The following LRMDA variants were observed in gnomAD, a reference collection of about 807,000 sequenced individuals.
LRMDA encodes the protein leucine-rich melanocyte differentiation-associated protein.
LRMDA carries 18 observed loss-of-function variants against 29.8 expected under a neutral mutation model. The ratio of observed to expected loss-of-function variants is 0.60; its 90% CI spans 0.42 to 0.90. LRMDA has a LOEUF of 0.90. LRMDA is among the 40% of genes least tolerant of loss of function. The probability of loss-of-function intolerance (pLI) is 0.00; values close to 1 mark genes in which losing one functional copy is unlikely to be tolerated. For missense variants in LRMDA, 273 were observed against 273.9 expected, an observed-to-expected ratio of 1.00 and a Z score of 0.02; for synonymous variants, 125 against 109.4, an observed-to-expected ratio of 1.14 and a Z score of -0.89.
chr10:75,947,758 C>T (rs1564614175), intron 2 of LRMDA, among the ~76,000 whole-genome samples: 2 of 152,130 alleles, frequency 1.3e-5, no homozygotes, highest in Non-Finnish European at 2.9e-5. Context: ...CAGTTATTTC[C>T]GAAAACACAC....
intron 6 of LRMDA, among the ~76,000 whole-genome samples, chr10:76,429,938 T>C (rs1335835303): frequency 6.6e-6 from 1 of 152,222 alleles, no homozygotes; most frequent in Non-Finnish European, 1.5e-5. Context: ...GAGAACCAGA[T>C]CCGAGACAAC....
chr10:75,851,707 C>A (rs1048522839), intron 2 of LRMDA, among the ~76,000 whole-genome samples: 2 of 152,168 alleles, frequency 1.3e-5, no homozygotes, highest in African/African-American at 4.8e-5. Context: ...CACTGGCCAT[C>A]ATAAATCAAA....
chr10:75,567,519 C>T (rs1840388702), intron 2 of LRMDA, among the ~76,000 whole-genome samples: 1 of 152,184 alleles, frequency 6.6e-6, no homozygotes, highest in Non-Finnish European at 1.5e-5. Context: ...GGTTTTTTGA[C>T]TTAACAGATA....
intron 5 of LRMDA, among the ~76,000 whole-genome samples, chr10:76,078,586 A>G (rs1203520332): frequency 6.6e-6 from 1 of 152,092 alleles, no homozygotes; most frequent in Non-Finnish European, 1.5e-5. Flanking sequence ...CTGTAATCCC[A>G]GCACTTTGGG....
At position 76,047,302 on chromosome 10, in the gene LRMDA, A is replaced by G; in HGVS notation, c.397A>G (p.Arg133Gly). ...EKDEEDYKRY[R>G]CFVLYKLPNL... Reference sequence around the variant, plus strand: ...GGATGAGGAAGACTACAAGAGATACAGGTGAGTGTCCAGGGGTTGGACCAT... The same window carrying G: ...GGATGAGGAAGACTACAAGAGATACGGGTGAGTGTCCAGGGGTTGGACCAT... The change falls in exon 4 of 7, where the codon AGA (arginine) becomes GGA (glycine). Residue 133 changes from arginine (R) to glycine (G), a missense_variant and splice_region_variant. Physicochemically the swap from Arg to Gly is moderately radical, Grantham distance 125 (BLOSUM62 -2). Coordinates refer to ENST00000611255, the MANE Select transcript of LRMDA (RefSeq NM_001305581.2). The G allele has an allele frequency of 6.2e-7, 1 of 1,607,564 alleles. No individual in the cohort carries two copies. Among genetic ancestry groups the G allele is most frequent in the Non-Finnish European group, 8.5e-7 (1 of 1,176,934 alleles).
At chr10:75,462,649 ATT>A (rs1844600974) in intron 2 of LRMDA, among the ~76,000 whole-genome samples, 1 of 152,226 alleles carries the variant, frequency 6.6e-6, no homozygotes, top group South Asian at 2.1e-4. Flanking sequence ...TAAAAATAAT[ATT>A]TCCTGAGTAA....
intron 2 of LRMDA, among the ~76,000 whole-genome samples, chr10:75,928,042 ACATCATCAT>A (rs3042520): frequency 5.3e-5 from 8 of 150,836 alleles, no homozygotes; most frequent in Admixed American, 1.3e-4. Flanking sequence ...TTTTAGTTTA[ACATCATCAT>A]CATCATCATC....
chr10:75,591,258 A>G (rs1589195853), intron 2 of LRMDA, among the ~76,000 whole-genome samples: 1 of 152,302 alleles, frequency 6.6e-6, no homozygotes, highest in East Asian at 1.9e-4. Context: ...TGATGCAAAT[A>G]TGGCTCAACA....
chr10:75,890,018 C>T (rs1288059532), intron 2 of LRMDA, among the ~76,000 whole-genome samples: 1 of 152,154 alleles, frequency 6.6e-6, no homozygotes, highest in Admixed American at 6.5e-5. Flanking sequence ...AAAGCCTGTT[C>T]CATGTAAGCA....
intron 3 of LRMDA, among the ~76,000 whole-genome samples, chr10:76,037,660 A>C (rs971922202): frequency 2.0e-5 from 3 of 152,136 alleles, no homozygotes; most frequent in Admixed American, 6.5e-5. Context: ...ATACTTTCTC[A>C]CTGTATCATC....
intron 2 of LRMDA, among the ~76,000 whole-genome samples, chr10:75,589,946 C>A (rs979352767): frequency 4.6e-5 from 7 of 150,558 alleles, no homozygotes; most frequent in African/African-American, 1.7e-4. Flanking sequence ...TTTGGTTATT[C>A]ATTTTTAGTG....
chr10:75,975,404 G>T (rs1847052599), intron 2 of LRMDA, among the ~76,000 whole-genome samples: 1 of 152,158 alleles, frequency 6.6e-6, no homozygotes, highest in Non-Finnish European at 1.5e-5. Context: ...TCCAGGAGAT[G>T]GTTCAGTAAA....
chr10:75,552,568 C>T, intron 2 of LRMDA: 1 of 481,214 alleles, frequency 2.1e-6, no homozygotes, highest in South Asian at 1.5e-5. Flanking sequence ...TACCCCTCAT[C>T]CCCTACTTGG....
intron 5 of LRMDA, among the ~76,000 whole-genome samples, chr10:76,159,942 T>A (rs1375975468): frequency 6.6e-6 from 1 of 152,048 alleles, no homozygotes; most frequent in African/African-American, 2.4e-5. Flanking sequence ...TGTATGATAG[T>A]GTGATGACTG....
At chr10:76,363,180 G>A (rs12771259) in intron 6 of LRMDA, among the ~76,000 whole-genome samples, 549 of 10,746 alleles carry the variant, frequency 0.051, 36 homozygotes, top group African/African-American at 0.084. Flanking sequence ...AAAGAAAGGA[G>A]GGAGGGAGGG....
At chr10:75,785,052 T>C (rs148485007) in intron 2 of LRMDA, among the ~76,000 whole-genome samples, 3 of 152,202 alleles carry the variant, frequency 2.0e-5, no homozygotes, top group African/African-American at 7.2e-5. Flanking sequence ...GCGTGTGGCA[T>C]GGACGCGCAG....
intron 2 of LRMDA, among the ~76,000 whole-genome samples, chr10:75,913,371 C>A (rs963307222): frequency 6.6e-6 from 1 of 152,058 alleles, no homozygotes; most frequent in East Asian, 1.9e-4. Flanking sequence ...GCAGGAGAAT[C>A]GCTTGAACCA....
chr10:76,003,432 C>T (rs1179942599), intron 2 of LRMDA, among the ~76,000 whole-genome samples: 1 of 152,164 alleles, frequency 6.6e-6, no homozygotes, highest in Non-Finnish European at 1.5e-5. Context: ...CAGTGTGTAT[C>T]AGGCACTATC....
At chr10:76,458,505 C>G (rs1340078305) in intron 6 of LRMDA, among the ~76,000 whole-genome samples, 1 of 152,142 alleles carries the variant, frequency 6.6e-6, no homozygotes, top group African/African-American at 2.4e-5. Flanking sequence ...TGGAATAGAA[C>G]CAATATGACA....
Sources: allele counts gnomAD v4.1 joint callset (sites outside exome capture counted in the v4.1 genomes callset), GRCh38; gene constraint gnomAD v4.1.1; transcripts MANE v1.5; gene names NCBI Gene and HGNC (gene_info 2026-07-23, HGNC 2026-07-21).